The following DENND1B variants were observed in gnomAD, a reference collection of about 807,000 sequenced individuals.
The protein encoded by DENND1B is DENN domain-containing protein 1B.
A neutral mutation model predicts 90.1 loss-of-function variants in DENND1B; 59 were observed. The observed-to-expected ratio is 0.65, with a 90% CI of 0.53 to 0.81. DENND1B has a LOEUF of 0.81. DENND1B is among the 40% of genes least tolerant of loss of function. The probability of loss-of-function intolerance (pLI) is 0.00; values close to 1 mark genes in which losing one functional copy is unlikely to be tolerated. For missense variants in DENND1B, 862 were observed against 912.6 expected, an observed-to-expected ratio of 0.94 and a Z score of 0.71; for synonymous variants, 337 against 324.6, an observed-to-expected ratio of 1.04 and a Z score of -0.41.
chr1:197,594,757 G>A (rs1013190989), intron 14 of DENND1B, among the ~76,000 whole-genome samples: 7 of 152,020 alleles, frequency 4.6e-5, no homozygotes, highest in Admixed American at 3.9e-4. Context: ...CATGAATTAG[G>A]AAGACAACAA....
intron 22 of DENND1B, 151 bp downstream of exon 22, chr1:197,511,577 A>G: frequency 2.3e-6 from 1 of 438,998 alleles, no homozygotes; most frequent in Middle Eastern, 5.9e-4. Context: ...AATAATTTCT[A>G]GTGATTAAAT....
At chr1:197,718,081 A>T (rs896143733) in intron 2 of DENND1B, among the ~76,000 whole-genome samples, 15 of 152,016 alleles carry the variant, frequency 9.9e-5, no homozygotes, top group African/African-American at 3.6e-4. Flanking sequence ...GAGAAGTGTG[A>T]TTTACTCACG....
At chr1:197,513,412 C>T (rs1318330265) in intron 20 of DENND1B, among the ~76,000 whole-genome samples, 1 of 151,540 alleles carries the variant, frequency 6.6e-6, no homozygotes, top group Non-Finnish European at 1.5e-5. Context: ...GTATAAATCG[C>T]TTAGGGACTT....
chr1:197,608,878 A>G (rs1676931952), intron 12 of DENND1B, among the ~76,000 whole-genome samples: 1 of 150,658 alleles, frequency 6.6e-6, no homozygotes, highest in African/African-American at 2.4e-5. Context: ...GAAAAAGAAT[A>G]GAAAAATATA....
chr1:197,617,741 C>A lies in DENND1B; in HGVS notation c.691G>T (p.Gly231Ter). ...KLSTLTACIH[G>*]SAALLYPMYW... ...ATTGGGTATAGAAGAGCAGCTGATC[C>A]ATGGATACAGGCAGTTAACTGAAAT... is the stretch of plus-strand genomic sequence containing the variant. Residue 231 changes from glycine (G) to a stop codon, truncating the protein, a stop_gained, in exon 11 of 23, where the codon GGA (glycine) becomes TGA (stop). Transcript: ENST00000620048. LOFTEE classifies it high-confidence loss of function. The A allele has an allele frequency of 6.2e-7, 1 of 1,607,136 alleles. No homozygotes were observed.
intron 11 of DENND1B, among the ~76,000 whole-genome samples, chr1:197,616,860 C>T (rs1331318351): frequency 6.6e-6 from 1 of 151,064 alleles, no homozygotes; most frequent in African/African-American, 2.4e-5. Flanking sequence ...CATCACATTT[C>T]TTAAGAATTA....
chr1:197,642,626 G>C, intron 10 of DENND1B, 85 bp downstream of exon 10: 4 of 859,104 alleles, frequency 4.7e-6, no homozygotes, highest in Non-Finnish European at 5.5e-6. Context: ...AGTACACATA[G>C]CACATTTCTA....
intron 15 of DENND1B, among the ~76,000 whole-genome samples, chr1:197,576,030 T>C (rs1192637248): frequency 6.6e-6 from 1 of 151,868 alleles, no homozygotes; most frequent in Non-Finnish European, 1.5e-5. Flanking sequence ...TGTATACCTA[T>C]GTAACAAACC....
chr1:197,747,206 A>G, intron 2 of DENND1B: 3 of 712,644 alleles, frequency 4.2e-6, no homozygotes, highest in Admixed American at 3.8e-5. Context: ...TTTTTATGCA[A>G]TTCTTGAAAT....
chr1:197,519,364 A>G (rs1668614922), intron 20 of DENND1B, among the ~76,000 whole-genome samples: 2 of 151,942 alleles, frequency 1.3e-5, no homozygotes, highest in African/African-American at 4.8e-5. Context: ...CATAAAGGAT[A>G]AAGTACTATA....
chr1:197,707,665 TATAATATA>T (rs904387971), intron 3 of DENND1B, among the ~76,000 whole-genome samples: 4 of 145,182 alleles, frequency 2.8e-5, no homozygotes, highest in Admixed American at 6.9e-5. Flanking sequence ...TATATACATA[TATAATATA>T]ATAATATAAT....
chr1:197,549,733 A>T (rs1389730695), intron 16 of DENND1B, among the ~76,000 whole-genome samples: 1 of 152,134 alleles, frequency 6.6e-6, no homozygotes, highest in Non-Finnish European at 1.5e-5. Flanking sequence ...TTTTAAGTTA[A>T]GTTAAAATTT....
At chr1:197,627,432 T>C (rs879234811) in intron 10 of DENND1B, among the ~76,000 whole-genome samples, 2 of 152,068 alleles carry the variant, frequency 1.3e-5, no homozygotes, top group Non-Finnish European at 2.9e-5. Context: ...AAAAACCACA[T>C]GATTATCTCA....
intron 5 of DENND1B, among the ~76,000 whole-genome samples, chr1:197,664,426 A>G (rs896489682): frequency 2.6e-5 from 4 of 152,088 alleles, no homozygotes; most frequent in African/African-American, 9.7e-5. Flanking sequence ...AGTACAGGAG[A>G]TTAGTTAAAA....
chr1:197,722,394 T>C lies in DENND1B; in HGVS notation c.83-7320A>G, dbSNP rs1661265632. 2.0e-5 allele frequency among the ~76,000 whole-genome samples: 3 copies of C among 152,158 alleles called. No individual in the cohort carries two copies. The South Asian group carries it at 6.2e-4, about 31-fold the overall frequency. On this transcript the variant is annotated intron_variant, in intron 2 of 22. Coordinates refer to ENST00000620048, the MANE Select transcript of DENND1B (RefSeq NM_001195215.2). ...CTTGCTTCTTATATAACATCCTTTC[T>C]AAAATATGCTGCTGCAATTTGCTAT... is the stretch of plus-strand genomic sequence containing the variant.
chr1:197,526,637 T>C lies in DENND1B; in HGVS notation c.1515+13327A>G, dbSNP rs1669151961. On this transcript the variant is annotated intron_variant, in intron 20 of 22. Coordinates refer to ENST00000620048, the MANE Select transcript of DENND1B (RefSeq NM_001195215.2). ...AAATTTGAAGAGTAAAATTACAACA[T>C]TAAGGTACATGTCAACTTTAAAATG... 2.6e-5 allele frequency among the ~76,000 whole-genome samples: 4 copies of C among 152,258 alleles called. No homozygotes were observed. The South Asian group carries it at 8.3e-4, about 31-fold the overall frequency.
At chr1:197,691,732 T>C (rs915363532) in intron 3 of DENND1B, among the ~76,000 whole-genome samples, 1 of 151,872 alleles carries the variant, frequency 6.6e-6, no homozygotes, top group African/African-American at 2.4e-5. Context: ...GATGAATGGA[T>C]AGTGAAAATG....
intron 2 of DENND1B, among the ~76,000 whole-genome samples, chr1:197,746,430 A>T (rs1663759039): frequency 6.6e-6 from 1 of 152,140 alleles, no homozygotes; most frequent in Non-Finnish European, 1.5e-5. Flanking sequence ...CACTGACTAC[A>T]CTAAACCAAA....
At chr1:197,656,823 A>C (rs1177178061) in intron 6 of DENND1B, among the ~76,000 whole-genome samples, 1 of 151,916 alleles carries the variant, frequency 6.6e-6, no homozygotes, top group East Asian at 1.9e-4. Context: ...TTTAAAAAAA[A>C]AATCAAAGAT....
Sources: allele counts gnomAD v4.1 joint callset (sites outside exome capture counted in the v4.1 genomes callset), GRCh38; gene constraint gnomAD v4.1.1; transcripts MANE v1.5; gene names NCBI Gene and HGNC (gene_info 2026-07-23, HGNC 2026-07-21).